Variants in TJP1 observed in about 807,000 individuals in gnomAD.
The protein encoded by TJP1 is tight junction protein 1.
In TJP1, 43 loss-of-function variants were observed where a neutral mutation model predicts 194.2. The ratio of observed to expected loss-of-function variants is 0.22; its 90% CI spans 0.17 to 0.29. The LOEUF is 0.29. Among genes scored for constraint, TJP1 ranks in the 10% least tolerant of loss-of-function variants. TJP1 has a pLI of 1.00. For synonymous variants in TJP1, 801 were observed against 779.0 expected (o/e 1.03, Z -0.47); for missense variants, 1,971 against 2,185.7 (o/e 0.90, Z 1.96).
chr15:29,828,053 G>A (rs1232438372), intron 2 of TJP1, among the ~76,000 whole-genome samples: 1 of 152,138 alleles, frequency 6.6e-6, no homozygotes, highest in African/African-American at 2.4e-5. Flanking sequence ...AACATCCACT[G>A]CATTCCCATT....
chr15:29,761,942 T>C (rs534169389), intron 6 of TJP1, among the ~76,000 whole-genome samples, 173 bp from the exon 7 acceptor site: 1 of 152,350 alleles, frequency 6.6e-6, no homozygotes, highest in East Asian at 1.9e-4. Context: ...ATAAAATCTT[T>C]ACTGTACTGT....
chr15:29,863,060 C>A (rs969780050), intron 2 of TJP1, among the ~76,000 whole-genome samples: 2 of 151,546 alleles, frequency 1.3e-5, no homozygotes, highest in Non-Finnish European at 2.9e-5. Flanking sequence ...TTTGGGAGGC[C>A]AAGGTGGGCG....
chr15:29,785,203 T>C (rs943423700), intron 2 of TJP1, among the ~76,000 whole-genome samples: 15 of 152,214 alleles, frequency 9.9e-5, no homozygotes, highest in African/African-American at 3.4e-4. Context: ...TTTCAAACTT[T>C]TGAAACCTTA....
At chr15:29,711,095 A>C (rs747895676) in intron 23 of TJP1, 95 bp from the exon 24 acceptor site, 104 of 1,407,654 alleles carry the variant, frequency 7.4e-5, no homozygotes, top group Non-Finnish European at 9.6e-5. Context: ...GTTAAAAAAA[A>C]AAACTAGAAA....
intron 1 of TJP1, chr15:29,968,615 C>G (rs938668110): frequency 1.8e-5 from 18 of 973,098 alleles, no homozygotes; most frequent in Non-Finnish European, 2.1e-5. Context: ...CGGCCCCCGC[C>G]CCGCTCCGCG....
intron 2 of TJP1, among the ~76,000 whole-genome samples, chr15:29,866,110 T>C (rs529701339): frequency 6.6e-6 from 1 of 152,364 alleles, no homozygotes; most frequent in East Asian, 1.9e-4. Flanking sequence ...TTTTTCTTTT[T>C]CTTTCAGTGA....
At chr15:29,882,814 G>C (rs1210843878) in intron 2 of TJP1, among the ~76,000 whole-genome samples, 3 of 152,134 alleles carry the variant, frequency 2.0e-5, no homozygotes, top group African/African-American at 7.2e-5. Context: ...AGAGTAACTA[G>C]AAAAAGATTT....
At chr15:29,922,552 AG>A (rs1422293643) in intron 2 of TJP1, among the ~76,000 whole-genome samples, 1 of 152,228 alleles carries the variant, frequency 6.6e-6, no homozygotes, top group Non-Finnish European at 1.5e-5. Flanking sequence ...AAATTAAAGT[AG>A]AAAGAAATAA....
rs762705841 is a variant in TJP1, at chr15:29,719,013, G to T, written c.3129C>A (p.Leu1043=). Residue 1043 remains leucine (L), a synonymous_variant, in exon 21 of 28, where the codon CTC becomes CTA. Coordinates refer to ENST00000614355, the MANE Select transcript of TJP1 (RefSeq NM_001330239.4). The part of the protein sequence containing the change: ...KEPNLTYEPQ[L]PYVEKQASRD... ...TGCTGGCTTGTTTCTCTACGTATGG[G>T]AGTTGGGGTTCATAGGTCAGATTAG... 6.2e-7 allele frequency: 1 copy of T among 1,614,180 alleles called. No homozygotes were observed. Among genetic ancestry groups the T allele is most frequent in the Non-Finnish European group, 8.5e-7 (1 of 1,180,030 alleles).
intron 2 of TJP1, among the ~76,000 whole-genome samples, chr15:29,874,646 A>G (rs1353463420): frequency 6.6e-6 from 1 of 152,226 alleles, no homozygotes; most frequent in Non-Finnish European, 1.5e-5. Context: ...AAATTCTCTA[A>G]GTCCAGAAAA....
intron 26 of TJP1, among the ~76,000 whole-genome samples, chr15:29,705,217 G>C (rs1445373543): frequency 6.6e-6 from 1 of 152,220 alleles, no homozygotes; most frequent in Non-Finnish European, 1.5e-5. Flanking sequence ...GAGACGCAAA[G>C]GCTGACTGAT....
intron 2 of TJP1, among the ~76,000 whole-genome samples, chr15:29,889,173 T>C (rs2053223676): frequency 6.6e-6 from 1 of 152,234 alleles, no homozygotes; most frequent in Non-Finnish European, 1.5e-5. Flanking sequence ...CAAGTGTTTA[T>C]AATATTCCAG....
At chr15:29,711,084 AG>A in intron 23 of TJP1, 84 bp from the exon 24 acceptor site, 1 of 1,434,246 alleles carries the variant, frequency 7.0e-7, no homozygotes, top group Non-Finnish European at 9.3e-7. Flanking sequence ...TGTATCTCTA[AG>A]TTAAAAAAAA....
At chr15:29,743,932 G>GC (rs1380137414) in intron 8 of TJP1, among the ~76,000 whole-genome samples, 1 of 152,170 alleles carries the variant, frequency 6.6e-6, no homozygotes, top group African/African-American at 2.4e-5. Flanking sequence ...TGTATTCCCA[G>GC]CATTTTGGGA....
chr15:29,756,525 C>A (rs185752112), intron 8 of TJP1, among the ~76,000 whole-genome samples: 186 of 152,298 alleles, frequency 1.2e-3, no homozygotes, highest in Non-Finnish European at 2.1e-3. Context: ...TTAGCCCACA[C>A]AGTGCAGTCT....
chr15:29,700,733 A>AG lies in TJP1; in HGVS notation c.*861_*862insC, dbSNP rs2140895723. 1 of 278,584 alleles carries AG rather than the reference A, an allele frequency of 3.6e-6. No individual in the cohort carries two copies. Among genetic ancestry groups the AG allele is most frequent in the East Asian group, 5.9e-5 (1 of 16,818 alleles). 17.3% of individuals were successfully genotyped at this position (278,584 alleles called of 1,614,324 possible). ...CACTGCCCCTTGTCAAAAAAAAAAA[A>AG]AAAGAAAAGAAAAGAAAAGAAAAAA... On this transcript the variant is annotated 3_prime_UTR_variant, in exon 28 of 28. Transcript: ENST00000614355.
At chr15:29,879,134 TAATAAAAA>T (rs1364894202) in intron 2 of TJP1, among the ~76,000 whole-genome samples, 1 of 151,814 alleles carries the variant, frequency 6.6e-6, no homozygotes, top group Non-Finnish European at 1.5e-5. Flanking sequence ...AAAAAAATAA[TAATAAAAA>T]AATAAAAAAA....
chr15:29,778,797 C>T (rs2047174650), intron 2 of TJP1, among the ~76,000 whole-genome samples: 1 of 152,252 alleles, frequency 6.6e-6, no homozygotes, highest in East Asian at 1.9e-4. Flanking sequence ...TTTCAAAACC[C>T]AGGTTCCATG....
chr15:29,966,660 C>A (rs576896818), intron 1 of TJP1, among the ~76,000 whole-genome samples: 300 of 5,312 alleles, frequency 0.056, no homozygotes, highest in African/African-American at 0.32. Context: ...ACCAGACATC[C>A]GTTGCAGGGT....
Sources: gnomAD v4.1 joint callset for allele counts (sites outside exome capture counted in the v4.1 genomes callset) on GRCh38, gnomAD v4.1.1 for gene constraint, MANE v1.5 for transcripts, NCBI Gene and HGNC (gene_info 2026-07-23, HGNC 2026-07-21) for gene names.